NCKAP5: variants seen among roughly 807,000 people sequenced by gnomAD.
NCKAP5 encodes the protein nck-associated protein 5.
A neutral mutation model predicts 167.0 loss-of-function variants in NCKAP5; 92 were observed. The ratio of observed to expected loss-of-function variants is 0.55; its 90% CI spans 0.47 to 0.66. NCKAP5 has a LOEUF of 0.66. NCKAP5 is among the 30% of genes least tolerant of loss of function. The probability of loss-of-function intolerance (pLI) is 0.00; values close to 1 mark genes in which losing one functional copy is unlikely to be tolerated. For synonymous variants in NCKAP5, 891 were observed against 877.4 expected (o/e 1.02, Z -0.27); for missense variants, 2,378 against 2,315.0 (o/e 1.03, Z -0.56).
chr2:133,581,346 G>A, the NCKAP5 span, among the ~76,000 whole-genome samples: 3 of 152,070 alleles, frequency 2.0e-5, no homozygotes, highest in Admixed American at 6.5e-5. Flanking sequence ...TGTTGTAAGG[G>A]ATTCTTCCTA....
chr2:132,891,081 T>C (rs553950044), intron 8 of NCKAP5, among the ~76,000 whole-genome samples: 2 of 152,302 alleles, frequency 1.3e-5, no homozygotes, highest in East Asian at 1.9e-4. Context: ...GAAGATGTGA[T>C]GTAGAACCTG....
At position 132,673,022 on chromosome 2, in the gene NCKAP5, C is replaced by A; in HGVS notation, c.*267G>T. On this transcript the variant is annotated 3_prime_UTR_variant, in exon 20 of 20. Transcript: ENST00000409261. ...CCAGCTCACTAAGGGAAGAGATGTC[C>A]TTTATACATCATTTGAACCTTGACT... The A allele has an allele frequency of 1.0e-6, 1 of 989,430 alleles. No individual in the cohort carries two copies. Among genetic ancestry groups the A allele is most frequent in the Non-Finnish European group, 1.2e-6 (1 of 838,886 alleles). 61.3% of individuals were successfully genotyped at this position (989,430 alleles called of 1,614,324 possible).
intron 3 of NCKAP5, among the ~76,000 whole-genome samples, chr2:133,470,839 C>T (rs1009492213): frequency 1.3e-5 from 2 of 152,272 alleles, no homozygotes; most frequent in Non-Finnish European, 2.9e-5. Flanking sequence ...TTGCGCTTCC[C>T]AAGTGAGGCA....
chr2:132,846,980 C>T (rs1343287072), intron 11 of NCKAP5, among the ~76,000 whole-genome samples: 6 of 152,004 alleles, frequency 3.9e-5, no homozygotes, highest in Admixed American at 6.6e-5. Context: ...ATTAAATATT[C>T]GTGTATTTTA....
At chr2:133,333,456 G>T (rs1328785207) in intron 3 of NCKAP5, among the ~76,000 whole-genome samples, 1 of 152,080 alleles carries the variant, frequency 6.6e-6, no homozygotes, top group African/African-American at 2.4e-5. Flanking sequence ...CTTCCACGAC[G>T]AGGAAAAGCC....
chr2:132,920,771 G>GTATA (rs55895538), intron 8 of NCKAP5, among the ~76,000 whole-genome samples: 26 of 31,568 alleles, frequency 8.2e-4, no homozygotes, highest in South Asian at 1.5e-3. Context: ...ATATATGTAT[G>GTATA]TATATATATA....
At chr2:133,072,897 C>T (rs981869554) in intron 6 of NCKAP5, among the ~76,000 whole-genome samples, 1 of 152,080 alleles carries the variant, frequency 6.6e-6, no homozygotes, top group African/African-American at 2.4e-5. Flanking sequence ...TATTTAAAAA[C>T]CCACCATGGC....
chr2:133,178,452 C>A (rs2084567796), intron 5 of NCKAP5, among the ~76,000 whole-genome samples: 1 of 126,680 alleles, frequency 7.9e-6, no homozygotes, highest in South Asian at 2.6e-4. Context: ...TTGTAGTGAG[C>A]CAAGATCAGG....
chr2:133,649,805 G>A, the NCKAP5 span, among the ~76,000 whole-genome samples: 2 of 152,050 alleles, frequency 1.3e-5, no homozygotes, highest in African/African-American at 2.4e-5. Flanking sequence ...GCAGGAGCAA[G>A]ACAAAATTTC....
At chr2:132,837,634 C>G (rs1389946550) in intron 11 of NCKAP5, among the ~76,000 whole-genome samples, 1 of 151,836 alleles carries the variant, frequency 6.6e-6, no homozygotes, top group Non-Finnish European at 1.5e-5. Context: ...CCTCTGGGTT[C>G]CTTTTCTCCA....
At chr2:133,652,676 G>A in the NCKAP5 span, among the ~76,000 whole-genome samples, 3 of 152,296 alleles carry the variant, frequency 2.0e-5, no homozygotes, top group South Asian at 6.2e-4. Context: ...AAACTACTGG[G>A]GGAATAAGAA....
chr2:133,403,182 ACT>A (rs951514895), intron 3 of NCKAP5, among the ~76,000 whole-genome samples: 42 of 152,150 alleles, frequency 2.8e-4, no homozygotes, highest in African/African-American at 1.0e-3. Flanking sequence ...GCCTGCAAAA[ACT>A]CTTTTTCAAG....
In NCKAP5 at chr2:133,351,266, A is replaced by C. The variant is rs141626849; in HGVS notation, c.70-48156T>G. On this transcript the variant is annotated intron_variant, in intron 3 of 19. Coordinates refer to ENST00000409261, the MANE Select transcript of NCKAP5 (RefSeq NM_207363.3). ...AAACCACTCACAGGGTTTTCTCTGC[A>C]GACTGGTACCCCTATGGCCCATTTA... Among the ~76,000 whole-genome samples the C allele has an allele frequency of 2.5e-3, 380 of 152,314 alleles. 4 individuals are homozygous for C. The highest frequency in any genetic ancestry group is 8.8e-3 in the African/African-American group (365 of 41,570).
At chr2:132,892,467 A>C (rs942882226) in intron 8 of NCKAP5, among the ~76,000 whole-genome samples, 1 of 152,170 alleles carries the variant, frequency 6.6e-6, no homozygotes, top group African/African-American at 2.4e-5. Flanking sequence ...CAAATCTATG[A>C]CTTTCAAGCT....
intron 11 of NCKAP5, among the ~76,000 whole-genome samples, chr2:132,803,741 T>C (rs976823832): frequency 6.6e-6 from 1 of 152,206 alleles, no homozygotes; most frequent in Non-Finnish European, 1.5e-5. Context: ...CTAATTAGTC[T>C]AACACTGATT....
intron 3 of NCKAP5, among the ~76,000 whole-genome samples, chr2:133,469,001 T>C (rs1336843895): frequency 2.0e-5 from 3 of 152,098 alleles, no homozygotes; most frequent in Non-Finnish European, 2.9e-5. Flanking sequence ...GAGCATTTAG[T>C]CCATTTACAT....
chr2:132,944,797 A>G (rs547743932), intron 8 of NCKAP5, among the ~76,000 whole-genome samples: 1 of 152,336 alleles, frequency 6.6e-6, no homozygotes, highest in Non-Finnish European at 1.5e-5. Flanking sequence ...AAATGACTCT[A>G]AGGACATTGT....
chr2:133,046,007 C>G (rs150012136), intron 6 of NCKAP5, among the ~76,000 whole-genome samples: 1,800 of 152,094 alleles, frequency 0.012, 36 homozygotes, highest in African/African-American at 0.038. Context: ...TGTAGATATG[C>G]TGGACAAAGG....
intron 2 of NCKAP5, among the ~76,000 whole-genome samples, chr2:133,525,322 C>T (rs1012843815): frequency 2.6e-5 from 4 of 152,170 alleles, no homozygotes; most frequent in African/African-American, 4.8e-5. Flanking sequence ...GCTCACTAAA[C>T]GTCTCACTAA....
Sources: allele counts gnomAD v4.1 joint callset (sites outside exome capture counted in the v4.1 genomes callset), GRCh38; gene constraint gnomAD v4.1.1; transcripts MANE v1.5; gene names NCBI Gene and HGNC (gene_info 2026-07-23, HGNC 2026-07-21).